NELL1: variants seen among roughly 807,000 people sequenced by gnomAD.
NELL1 encodes neural EGFL like 1.
NELL1 carries 76 observed loss-of-function variants against 107.4 expected under a neutral mutation model. The observed-to-expected ratio is 0.71, with a 90% CI of 0.59 to 0.86. NELL1 has a LOEUF of 0.86. Ranked by LOEUF, NELL1 falls within the 40% of genes least tolerant of loss-of-function variation. The pLI, the probability that NELL1 is intolerant of heterozygous loss-of-function variation, is 0.00. For synonymous variants in NELL1, 353 were observed against 341.2 expected, an observed-to-expected ratio of 1.03 and a Z score of -0.38; for missense variants, 1,024 against 1,005.5, an observed-to-expected ratio of 1.02 and a Z score of -0.25.
chr11:20,992,016 A>C (rs1242362816), intron 12 of NELL1, among the ~76,000 whole-genome samples: 1 of 147,920 alleles, frequency 6.8e-6, no homozygotes, highest in Non-Finnish European at 1.5e-5. Flanking sequence ...AAAAAAGTTG[A>C]AAATATTTGT....
At chr11:20,758,853 T>C (rs964727036) in intron 2 of NELL1, among the ~76,000 whole-genome samples, 13 of 152,210 alleles carry the variant, frequency 8.5e-5, no homozygotes. Context: ...GATGACTGTT[T>C]TAGAGTCTCT....
At chr11:20,825,733 A>G (rs1476253660) in intron 3 of NELL1, among the ~76,000 whole-genome samples, 1 of 151,226 alleles carries the variant, frequency 6.6e-6, no homozygotes, top group Admixed American at 6.6e-5. Context: ...AGATAAGAAT[A>G]TGGACTTGGA....
intron 12 of NELL1, among the ~76,000 whole-genome samples, chr11:20,970,055 CCAT>C (rs1851465572): frequency 2.0e-5 from 1 of 50,128 alleles, no homozygotes; most frequent in Non-Finnish European, 6.0e-5. Context: ...ATCTCTCTGT[CCAT>C]CCATCCATCC....
At chr11:21,362,492 T>C (rs1217740550) in intron 14 of NELL1, among the ~76,000 whole-genome samples, 1 of 152,214 alleles carries the variant, frequency 6.6e-6, no homozygotes, top group Non-Finnish European at 1.5e-5. Flanking sequence ...AGTGAAGTTG[T>C]CACATAGACA....
chr11:21,404,006 C>CA (rs1554905735), intron 15 of NELL1, among the ~76,000 whole-genome samples: 103 of 10,254 alleles, frequency 0.01, 1 homozygote, highest in Non-Finnish European at 7.2e-3. Flanking sequence ...CATTCCTGAA[C>CA]CCCCCCCCCC....
At chr11:20,923,853 C>G (rs1354759749) in intron 7 of NELL1, among the ~76,000 whole-genome samples, 2 of 152,126 alleles carry the variant, frequency 1.3e-5, no homozygotes, top group African/African-American at 2.4e-5. Flanking sequence ...ATAGAAGCTT[C>G]TTTTTTCCTT....
At chr11:20,797,137 G>T (rs751431779) in intron 3 of NELL1, among the ~76,000 whole-genome samples, 1 of 152,190 alleles carries the variant, frequency 6.6e-6, no homozygotes, top group Admixed American at 6.5e-5. Flanking sequence ...TAGCCTTTAG[G>T]CCCAGGGCAT....
At chr11:20,741,357 C>G (rs1855885680) in intron 2 of NELL1, among the ~76,000 whole-genome samples, 1 of 152,110 alleles carries the variant, frequency 6.6e-6, no homozygotes, top group South Asian at 2.1e-4. Context: ...TCTCCTATCT[C>G]AACTTAAGAA....
chr11:21,574,820 GT>G, intron 19 of NELL1, 151 bp from the exon 20 acceptor site: 1 of 638,200 alleles, frequency 1.6e-6, no homozygotes, highest in Non-Finnish European at 2.7e-6. Flanking sequence ...TCTTTCTCTA[GT>G]TTTTTTCCTA....
intron 15 of NELL1, among the ~76,000 whole-genome samples, chr11:21,438,887 A>G (rs967530270): frequency 2.6e-5 from 4 of 151,922 alleles, no homozygotes; most frequent in Admixed American, 6.6e-5. Flanking sequence ...TTTTGTTGGT[A>G]ACATCAGTGA....
At chr11:20,730,436 G>C (rs1855612804) in intron 2 of NELL1, among the ~76,000 whole-genome samples, 1 of 152,128 alleles carries the variant, frequency 6.6e-6, no homozygotes, top group Non-Finnish European at 1.5e-5. Context: ...ACAAATTTAA[G>C]TCCATTGTAT....
At chr11:21,162,319 G>A (rs1289571318) in intron 13 of NELL1, among the ~76,000 whole-genome samples, 1 of 152,130 alleles carries the variant, frequency 6.6e-6, no homozygotes, top group African/African-American at 2.4e-5. Flanking sequence ...TGACTTTACT[G>A]TAATGTAAGT....
chr11:20,692,368 T>C (rs1854491140), intron 2 of NELL1, among the ~76,000 whole-genome samples: 1 of 152,278 alleles, frequency 6.6e-6, no homozygotes, highest in South Asian at 2.1e-4. Context: ...GTTCTTTTAA[T>C]TGTGATGTTA....
intron 14 of NELL1, among the ~76,000 whole-genome samples, chr11:21,234,796 A>G (rs1467018000): frequency 6.6e-6 from 1 of 152,224 alleles, no homozygotes; most frequent in Non-Finnish European, 1.5e-5. Flanking sequence ...ATATAGACAG[A>G]AAGAGTAATG....
intron 12 of NELL1, among the ~76,000 whole-genome samples, chr11:21,040,048 C>T (rs1437897400): frequency 1.3e-5 from 2 of 151,794 alleles, no homozygotes; most frequent in Non-Finnish European, 2.9e-5. Flanking sequence ...AAATATATTT[C>T]CTCCTAATCT....
intron 2 of NELL1, among the ~76,000 whole-genome samples, chr11:20,717,959 A>G (rs1179705689): frequency 6.6e-6 from 1 of 152,138 alleles, no homozygotes; most frequent in Non-Finnish European, 1.5e-5. Context: ...CCAAAACCCC[A>G]AAGAGGTTTG....
At chr11:21,241,747 A>T (rs1489062431) in intron 14 of NELL1, among the ~76,000 whole-genome samples, 1 of 151,866 alleles carries the variant, frequency 6.6e-6, no homozygotes, top group Non-Finnish European at 1.5e-5. Context: ...CCCCAAACAG[A>T]ATTATGTGTT....
chr11:20,798,783 C>A (rs780534283), intron 3 of NELL1, among the ~76,000 whole-genome samples: 8 of 152,162 alleles, frequency 5.3e-5, no homozygotes, highest in Non-Finnish European at 1.0e-4. Flanking sequence ...ATCCATGAGA[C>A]CAGACAGGTC....
At chr11:20,692,206 T>C (rs1854486241) in intron 2 of NELL1, among the ~76,000 whole-genome samples, 1 of 152,150 alleles carries the variant, frequency 6.6e-6, no homozygotes, top group Non-Finnish European at 1.5e-5. Context: ...TAGCAGTTTA[T>C]GAATTTTGTT....
Sources: gnomAD v4.1 joint callset for allele counts (sites outside exome capture counted in the v4.1 genomes callset) on GRCh38, gnomAD v4.1.1 for gene constraint, MANE v1.5 for transcripts, NCBI Gene and HGNC (gene_info 2026-07-23, HGNC 2026-07-21) for gene names.